Variants in A2M observed in about 807,000 individuals in gnomAD.
A2M encodes alpha-2-macroglobulin.
Under a neutral mutation model 183.9 loss-of-function variants are expected in A2M, and 128 were observed. That is an observed-to-expected ratio of 0.70 (90% CI 0.60 to 0.81). The LOEUF is 0.81. Ranked by LOEUF, A2M falls within the 30% of genes least tolerant of loss-of-function variation. The pLI is 0.00. For missense variants in A2M, 1,495 were observed against 1,787.6 expected, an observed-to-expected ratio of 0.84 and a Z score of 2.95; for synonymous variants, 592 against 670.8, an observed-to-expected ratio of 0.88 and a Z score of 1.81.
chr12:9,113,319 C>A, intron 2 of A2M, 41 bp downstream of exon 2: 1 of 1,602,978 alleles, frequency 6.2e-7, no homozygotes, highest in Non-Finnish European at 8.5e-7. Flanking sequence ...ATGACCCTGA[C>A]TAAAAGAACC....
chr12:9,106,622 TA>T lies in A2M; in HGVS notation c.880-18del. On this transcript the variant is annotated intron_variant, in intron 8 of 35. Transcript: ENST00000318602. ...GCTGTTTAGCTAAGAAGGGAGAAAA[TA>T]AAATACAAAAATATAATGCATATTA... The T allele has an allele frequency of 7.3e-7, 1 of 1,363,722 alleles. No homozygotes were observed. The allele number at this position is 1,363,722 out of a possible 1,614,324, so 84.5% of individuals were successfully genotyped here.
In A2M at chr12:9,090,167, T is replaced by A. The variant is rs74061444; in HGVS notation, c.2597-144A>T. 2,808 of 1,354,168 alleles carry A rather than the reference T, an allele frequency of 2.1e-3. 44 individuals are homozygous for A. In the African/African-American group the frequency reaches 0.035, roughly 17 times the overall value. 83.9% of individuals were successfully genotyped at this position (1,354,168 alleles called of 1,614,324 possible). A position where few individuals can be genotyped will look rare whatever the true frequency, so the allele number is the denominator to read the frequency against. ...GGAACGGAAACATGCAAATGAGAGG[T>A]GAATGATACTGAGAATTCAAGGTGG... On this transcript the variant is annotated intron_variant, in intron 20 of 35. Coordinates refer to ENST00000318602, the MANE Select transcript of A2M (RefSeq NM_000014.6).
rs1211163533 is a variant in A2M at position 9,108,472 on chromosome 12, G to C, written c.759-828C>G. On this transcript the variant is annotated intron_variant, in intron 7 of 35. Coordinates refer to ENST00000318602, the MANE Select transcript of A2M (RefSeq NM_000014.6). ...GGGATTGTGTCGTAAATATGTCATAGACAATTGCTGGGTTTCCAAGTGCAT... is the reference window on the plus strand; with the variant it reads ...GGGATTGTGTCGTAAATATGTCATACACAATTGCTGGGTTTCCAAGTGCAT... 4.6e-5 allele frequency among the ~76,000 whole-genome samples: 7 copies of C among 152,158 alleles called. No homozygotes were observed. In the East Asian group the frequency reaches 1.3e-3, roughly 29 times the overall value.
chr12:9,109,779 G>T, intron 6 of A2M, 88 bp downstream of exon 6: 1 of 1,322,992 alleles, frequency 7.6e-7, no homozygotes, highest in Non-Finnish European at 1.0e-6. Flanking sequence ...CATGGGAAAT[G>T]GAAAGACTCC....
chr12:9,094,074 T>C (rs975382460), intron 17 of A2M, among the ~76,000 whole-genome samples: 81 of 151,470 alleles, frequency 5.3e-4, no homozygotes, highest in African/African-American at 1.9e-3. Flanking sequence ...AAGTGGAGAG[T>C]GTTATGACAC....
rs756112202 is a variant in A2M at position 9,072,470 on chromosome 12, T to C, written c.3992A>G (p.Asn1331Ser). Residue 1331 changes from asparagine (N) to serine (S), a missense_variant, in exon 31 of 36, where the codon AAT becomes AGT. Coordinates refer to ENST00000318602, the MANE Select transcript of A2M (RefSeq NM_000014.6). Reference protein sequence around the residue: ...CVYLQTSLKYNILPEKEEFPF... With the variant: ...CVYLQTSLKYSILPEKEEFPF... ...GAACTCTTCCTTTTCTGGGAGAATA[T>C]TGTATTTCAAGGATGTCTATAGAAC... is the stretch of plus-strand genomic sequence containing the variant. 3.7e-6 allele frequency: 6 copies of C among 1,611,848 alleles called. No homozygotes were observed. The highest frequency in any genetic ancestry group is 5.1e-6 in the Non-Finnish European group (6 of 1,179,396).
Position 9,074,585 on chromosome 12 carries a change from G to A in A2M, c.3731C>T (p.Ala1244Val). ...CTGGGTGGAGGAGAAACCGCCCTGG[G>A]CATTCTGCTGCTTCGTGATCCACTT... ...IVKWITKQQN[A>V]QGGFSSTQDT... Residue 1244 changes from alanine (A) to valine (V), a missense_variant, in exon 29 of 36, where the codon GCC becomes GTC. Physicochemically the swap from Ala to Val is moderately conservative, Grantham distance 64. Coordinates refer to ENST00000318602, the MANE Select transcript of A2M (RefSeq NM_000014.6). 6.2e-7 allele frequency: 1 copy of A among 1,612,542 alleles called. No individual in the cohort carries two copies. Among genetic ancestry groups the A allele is most frequent in the Non-Finnish European group, 8.5e-7 (1 of 1,179,342 alleles).
At chr12:9,074,964 G>A (rs757493392) in intron 28 of A2M, among the ~76,000 whole-genome samples, 181 bp from the exon 29 acceptor site, 1 of 152,316 alleles carries the variant, frequency 6.6e-6, no homozygotes, top group South Asian at 2.1e-4. Context: ...AGCTAAGGCA[G>A]ATATTGATGC....
chr12:9,095,712 C>A lies in A2M; in HGVS notation c.1852-12G>T, dbSNP rs753692512. 9.3e-6 allele frequency: 12 copies of A among 1,289,722 alleles called. No individual in the cohort carries two copies. Among genetic ancestry groups the A allele is most frequent in the African/African-American group, 4.8e-5 (3 of 62,174 alleles). 79.9% of individuals were successfully genotyped at this position (1,289,722 alleles called of 1,614,324 possible). A position where few individuals can be genotyped will look rare whatever the true frequency, so the allele number is the denominator to read the frequency against. On this transcript the variant is annotated splice_polypyrimidine_tract_variant and intron_variant, in intron 15 of 35. Coordinates refer to ENST00000318602, the MANE Select transcript of A2M (RefSeq NM_000014.6). ...AGCAGGTTGTAAACCTGTACAAATA[C>A]GAAAGACAAAAAGGCAAACTTATTT...
At chr12:9,083,392 A>C (rs1207336258) in intron 22 of A2M, among the ~76,000 whole-genome samples, 1 of 152,136 alleles carries the variant, frequency 6.6e-6, no homozygotes, top group Non-Finnish European at 1.5e-5. Context: ...AGTATAAAAA[A>C]AAAAGAAATA....
intron 18 of A2M, among the ~76,000 whole-genome samples, chr12:9,092,676 C>T (rs1949249411): frequency 6.6e-6 from 1 of 152,164 alleles, no homozygotes; most frequent in Non-Finnish European, 1.5e-5. Flanking sequence ...ATGTACATTG[C>T]CACAGCCATT....
chr12:9,112,213 T>G lies in A2M; in HGVS notation c.431-2A>C. The G allele has an allele frequency of 1.2e-6, 2 of 1,613,782 alleles. No homozygotes were observed. Among genetic ancestry groups the G allele is most frequent in the Non-Finnish European group, 1.7e-6 (2 of 1,179,754 alleles). Reference sequence around the variant, plus strand: ...CCATGGAGACAACACGAAATTTCACTGAAACAGAAATATTTTTCATGAGCC... The same window carrying G: ...CCATGGAGACAACACGAAATTTCACGGAAACAGAAATATTTTTCATGAGCC... On this transcript the variant is annotated splice_acceptor_variant, in intron 3 of 35. Transcript: ENST00000318602. LOFTEE classifies it high-confidence loss of function.
chr12:9,080,181 G>A lies in A2M; in HGVS notation c.2771-4C>T, dbSNP rs201887643. 1.3e-6 allele frequency: 2 copies of A among 1,562,556 alleles called. No individual in the cohort carries two copies. The highest frequency in any genetic ancestry group is 1.7e-4 in the Middle Eastern group (1 of 5,982). ...AATTCTTCAGAAACCTCACCACCTA[G>A]AGAAATAAGCAAATCAGACATATGA... On this transcript the variant is annotated splice_polypyrimidine_tract_variant and splice_region_variant and intron_variant, in intron 22 of 35. Coordinates refer to ENST00000318602, the MANE Select transcript of A2M (RefSeq NM_000014.6).
intron 7 of A2M, among the ~76,000 whole-genome samples, chr12:9,108,066 C>T (rs1399808723): frequency 6.6e-6 from 1 of 152,122 alleles, no homozygotes; most frequent in Non-Finnish European, 1.5e-5. Flanking sequence ...ATCCTCTCCC[C>T]ATGTGCAGCC....
intron 18 of A2M, 57 bp downstream of exon 18, chr12:9,093,408 T>C: frequency 8.3e-7 from 1 of 1,198,602 alleles, no homozygotes; most frequent in Non-Finnish European, 1.2e-6. Context: ...TAGCAAAGAG[T>C]TGAAAATAGT....
Position 9,076,506 on chromosome 12 carries a change from C to G in A2M, c.3532+250G>C, listed in dbSNP as rs143843671. On this transcript the variant is annotated intron_variant, in intron 28 of 35. Transcript: ENST00000318602. Reference sequence around the variant, plus strand: ...ATGGTCCCACTTAAGATTTTTTAGACTTTACAATGAGTTTGTCAGGATATA... The same window carrying G: ...ATGGTCCCACTTAAGATTTTTTAGAGTTTACAATGAGTTTGTCAGGATATA... 2.0e-3 allele frequency among the ~76,000 whole-genome samples: 308 copies of G among 152,306 alleles called. 1 individual carries two copies. The highest frequency in any genetic ancestry group is 7.2e-3 in the African/African-American group (299 of 41,564).
intron 7 of A2M, 49 bp from the exon 8 acceptor site, chr12:9,107,693 C>T (rs767027229): frequency 1.2e-6 from 2 of 1,600,808 alleles, no homozygotes; most frequent in Non-Finnish European, 1.7e-6. Context: ...CTGAACCTCC[C>T]CATTTTCTAG....
At position 9,074,752 on chromosome 12, in the gene A2M, TTTCTGAGG is replaced by T. The variant is rs1364177417; in HGVS notation, c.3556_3563del (p.Pro1186ThrfsTer17). The T allele has an allele frequency of 1.2e-6, 2 of 1,613,332 alleles. No homozygotes were observed. Among genetic ancestry groups the T allele is most frequent in the Non-Finnish European group, 1.7e-6 (2 of 1,179,754 alleles). ...AAAAATGCCCCACTGGTGCCTTGGGTTTCTGAGGGCGCTCCCAATGGACAGAGTTGTCT... is the reference window on the plus strand; with the variant it reads ...AAAAATGCCCCACTGGTGCCTTGGGTGCGCTCCCAATGGACAGAGTTGTCT... On this transcript the variant is annotated frameshift_variant, in exon 29 of 36. Transcript: ENST00000318602. LOFTEE classifies it high-confidence loss of function.
At position 9,077,789 on chromosome 12, in the gene A2M, A is replaced by T. The variant is rs1450299734; in HGVS notation, c.3188T>A (p.Ile1063Asn). The change falls in exon 26 of 36, where the codon ATT becomes AAT. Residue 1063 changes from isoleucine (I) to asparagine (N), a missense_variant. Coordinates refer to ENST00000318602, the MANE Select transcript of A2M (RefSeq NM_000014.6). ...GGAGAGCCATATGAGGGCTTGGGTA[A>T]TGTGTGCTTCATCGATGAAGATGTA... ...RAYIFIDEAHITQALIWLSQR... is the reference protein window; with the variant it reads ...RAYIFIDEAHNTQALIWLSQR... The T allele has an allele frequency of 1.1e-5, 18 of 1,614,188 alleles. No homozygotes were observed. The East Asian group carries it at 4.0e-4, about 36-fold the overall frequency.
Sources: allele counts gnomAD v4.1 joint callset (sites outside exome capture counted in the v4.1 genomes callset), GRCh38; gene constraint gnomAD v4.1.1; transcripts MANE v1.5; gene names NCBI Gene and HGNC (gene_info 2026-07-23, HGNC 2026-07-21).